Variants in GLRA2 observed in about 807,000 individuals in gnomAD.
The protein encoded by GLRA2 is glycine receptor alpha 2, also known as glycine receptor subunit alpha-2.
In GLRA2, 11 loss-of-function variants were observed where a neutral mutation model predicts 31.6. The ratio of observed to expected loss-of-function variants is 0.35; its 90% CI spans 0.22 to 0.58. The LOEUF (loss-of-function observed/expected upper bound fraction) is 0.58. Among genes scored for constraint, GLRA2 ranks in the 20% least tolerant of loss-of-function variants. The pLI is 0.84. For synonymous variants in GLRA2, 132 were observed against 134.0 expected, an observed-to-expected ratio of 0.99 and a Z score of 0.10; for missense variants, 212 against 351.8, an observed-to-expected ratio of 0.60 and a Z score of 3.18.
At chrX:14,521,840 T>C in the GLRA2 span, among the ~76,000 whole-genome samples, 1 of 112,257 alleles carries the variant, frequency 8.9e-6, no homozygotes, top group Non-Finnish European at 1.9e-5. Flanking sequence ...ATACCTTAAT[T>C]TAAAAAATAC....
chrX:14,640,151 A>AT (rs940431261), intron 7 of GLRA2, among the ~76,000 whole-genome samples: 52 of 107,775 alleles, frequency 4.8e-4, no homozygotes, highest in Middle Eastern at 4.8e-3. Context: ...ATTTGTGTTT[A>AT]TTTTTTTTTT....
chrX:14,615,716 T>C (rs374543904), intron 7 of GLRA2, among the ~76,000 whole-genome samples: 5 of 111,355 alleles, frequency 4.5e-5, no homozygotes, highest in African/African-American at 1.6e-4. Flanking sequence ...ATATTTGGGC[T>C]ACACTTTTAA....
intron 8 of GLRA2, among the ~76,000 whole-genome samples, chrX:14,709,505 A>G (rs981688926): frequency 8.9e-6 from 1 of 112,297 alleles, no homozygotes; most frequent in African/African-American, 3.2e-5. Flanking sequence ...TTGGAAATGC[A>G]CTACAGATAC....
At chrX:14,509,930 T>A in the GLRA2 span, among the ~76,000 whole-genome samples, 4 of 111,719 alleles carry the variant, frequency 3.6e-5, no homozygotes, top group Non-Finnish European at 7.5e-5. Flanking sequence ...TAATGTTTGC[T>A]CACAGCTAGC....
rs182490196 is a variant in GLRA2 at position 14,586,845 on chromosome X, T to A, written c.494+5439T>A. 6.2e-5 allele frequency among the ~76,000 whole-genome samples: 7 copies of A among 112,436 alleles called. No homozygotes were observed. The Admixed American group carries it at 6.6e-4, about 11-fold the overall frequency. ...ATCTTTGCTGATATTGTCTTCTTTTTAAAAATCCCATTGCTTCTGAGAATT... is the reference window on the plus strand; with the variant it reads ...ATCTTTGCTGATATTGTCTTCTTTTAAAAAATCCCATTGCTTCTGAGAATT... On this transcript the variant is annotated intron_variant, in intron 4 of 8. Coordinates refer to ENST00000218075, the MANE Select transcript of GLRA2 (RefSeq NM_002063.4).
At chrX:14,454,625 T>A in the GLRA2 span, among the ~76,000 whole-genome samples, 1 of 109,778 alleles carries the variant, frequency 9.1e-6, no homozygotes, top group East Asian at 2.9e-4. Flanking sequence ...ATATCACTAG[T>A]TATAAAAATT....
intron 7 of GLRA2, among the ~76,000 whole-genome samples, chrX:14,651,211 G>A (rs2090886689): frequency 9.0e-6 from 1 of 111,421 alleles, no homozygotes; most frequent in Non-Finnish European, 1.9e-5. Context: ...AACTTGTAGG[G>A]CTTCATGAGG....
intron 8 of GLRA2, among the ~76,000 whole-genome samples, chrX:14,707,593 A>AAAC (rs760424364): frequency 2.3e-5 from 2 of 88,143 alleles, no homozygotes; most frequent in Non-Finnish European, 4.3e-5. Flanking sequence ...AAAAACCAAA[A>AAAC]AACAACAACA....
rs996357119 is a variant in GLRA2 at position 14,574,346 on chromosome X, C to T, written c.216C>T (p.Asn72=). The stretch of plus-strand genomic sequence containing the variant: ...TGCATTCTGCAGGTCCTCCAGTAAA[C>T]GTTACTTGCAATATTTTTATCAACA... ...IRPNFKGPPV[N]VTCNIFINSF... Residue 72 remains asparagine (N), a synonymous_variant, in exon 3 of 9, where the codon AAC becomes AAT. Coordinates refer to ENST00000218075, the MANE Select transcript of GLRA2 (RefSeq NM_002063.4). 1.0e-5 allele frequency: 12 copies of T among 1,195,504 alleles called. No homozygotes were observed. The highest frequency in any genetic ancestry group is 6.5e-5 in the Admixed American group (3 of 45,814).
At chrX:14,594,800 A>AGCCACACTGTTCTGAGCCCTG (rs2090182415) in intron 4 of GLRA2, among the ~76,000 whole-genome samples, 1 of 111,167 alleles carries the variant, frequency 9.0e-6, no homozygotes, top group Non-Finnish European at 1.9e-5. Flanking sequence ...GCATATGGGT[A>AGCCACACTGTTCTGAGCCCTG]TTTTTTATGA....
At chrX:14,651,692 C>A (rs2147138694) in intron 7 of GLRA2, among the ~76,000 whole-genome samples, 1 of 111,813 alleles carries the variant, frequency 8.9e-6, no homozygotes, top group African/African-American at 3.2e-5. Flanking sequence ...AATGCTTGCA[C>A]TTCAAAATTG....
At chrX:14,520,618 A>G in the GLRA2 span, among the ~76,000 whole-genome samples, 1 of 112,486 alleles carries the variant, frequency 8.9e-6, no homozygotes, top group Non-Finnish European at 1.9e-5. Flanking sequence ...TAATCCAGAA[A>G]TGTTCTGGAC....
At chrX:14,717,055 G>A (rs892376133) in intron 8 of GLRA2, among the ~76,000 whole-genome samples, 1 of 111,163 alleles carries the variant, frequency 9.0e-6, no homozygotes, top group Non-Finnish European at 1.9e-5. Context: ...CAAATCTGAC[G>A]TGTCCAAAGT....
At chrX:14,575,437 T>C (rs1025800079) in intron 3 of GLRA2, among the ~76,000 whole-genome samples, 2 of 110,342 alleles carry the variant, frequency 1.8e-5, no homozygotes, top group African/African-American at 6.6e-5. Context: ...TGACCTCAGG[T>C]GATCCACCTG....
intron 7 of GLRA2, among the ~76,000 whole-genome samples, chrX:14,614,082 G>T (rs1201476456): frequency 9.0e-6 from 1 of 111,466 alleles, no homozygotes; most frequent in Non-Finnish European, 1.9e-5. Context: ...GGCCTGACTT[G>T]TGCCTTGAAA....
intron 7 of GLRA2, among the ~76,000 whole-genome samples, chrX:14,636,676 A>G (rs2090713220): frequency 8.9e-6 from 1 of 111,876 alleles, no homozygotes; most frequent in Non-Finnish European, 1.9e-5. Context: ...ATAAAAACTA[A>G]GATATCAGTA....
In GLRA2 at chrX:14,557,410, C is replaced by T. The variant is rs184704539; in HGVS notation, c.203-16923C>T. Among the ~76,000 whole-genome samples the T allele has an allele frequency of 2.3e-4, 26 of 111,249 alleles. No homozygotes were observed. The East Asian group carries it at 5.6e-3, about 24-fold the overall frequency. On this transcript the variant is annotated intron_variant, in intron 2 of 8. Coordinates refer to ENST00000218075, the MANE Select transcript of GLRA2 (RefSeq NM_002063.4). ...GATTACAGGCATAAGCCACTGTGCC[C>T]GGCCCACCTAAAGTATTTCTAAATA...
the GLRA2 span, among the ~76,000 whole-genome samples, chrX:14,519,496 A>C: frequency 7.1e-5 from 8 of 112,225 alleles, no homozygotes; most frequent in East Asian, 2.2e-3. Context: ...GCCCAGGCCT[A>C]TGGGTTACTT....
chrX:14,450,824 C>A, the GLRA2 span, among the ~76,000 whole-genome samples: 4 of 111,698 alleles, frequency 3.6e-5, no homozygotes, highest in East Asian at 1.1e-3. Context: ...TCCCACCTCA[C>A]CTCAGCCACC....
Sources: allele counts gnomAD v4.1 joint callset (sites outside exome capture counted in the v4.1 genomes callset), GRCh38; gene constraint gnomAD v4.1.1; transcripts MANE v1.5; gene names NCBI Gene and HGNC (gene_info 2026-07-23, HGNC 2026-07-21).